Variants in FBN3 observed in about 807,000 individuals in gnomAD.
The protein encoded by FBN3 is fibrillin-3.
Under a neutral mutation model 330.1 loss-of-function variants are expected in FBN3, and 234 were observed. That is an observed-to-expected ratio of 0.71 (90% CI 0.64 to 0.79). FBN3 has a LOEUF of 0.79. FBN3 is among the 30% of genes least tolerant of loss of function. The pLI is 0.00. For missense variants in FBN3, 3,606 were observed against 3,886.9 expected, an observed-to-expected ratio of 0.93 and a Z score of 1.92; for synonymous variants, 1,458 against 1,517.3, an observed-to-expected ratio of 0.96 and a Z score of 0.91.
At position 8,095,366 on chromosome 19, in the gene FBN3, CA is replaced by C; in HGVS notation, c.5785+8del. 6.2e-7 allele frequency: 1 copy of C among 1,611,566 alleles called. No homozygotes were observed. The highest frequency in any genetic ancestry group is 1.7e-4 in the Middle Eastern group (1 of 6,050). On this transcript the variant is annotated splice_region_variant and intron_variant, in intron 46 of 63. Coordinates refer to ENST00000600128, the MANE Select transcript of FBN3 (RefSeq NM_032447.5). Reference sequence around the variant, plus strand: ...CTGAGATGCCTCCGAGCACCATAGGCAGACTCACCCACACAGTTCTTCCCAT... The same window carrying C: ...CTGAGATGCCTCCGAGCACCATAGGCGACTCACCCACACAGTTCTTCCCAT...
At chr19:8,132,963 C>G (rs2083184399) in intron 14 of FBN3, 21 bp downstream of exon 14, 17 of 1,537,452 alleles carry the variant, frequency 1.1e-5, no homozygotes, top group Non-Finnish European at 1.5e-5. Context: ...CCTCCGCTGG[C>G]CAGTCTGGCT....
At chr19:8,145,452 G>A (rs1475779373) in intron 5 of FBN3, among the ~76,000 whole-genome samples, 2 of 151,106 alleles carry the variant, frequency 1.3e-5, no homozygotes, top group African/African-American at 4.9e-5. Flanking sequence ...AGGCTGAGGC[G>A]GGCGGATCAC....
intron 28 of FBN3, 45 bp downstream of exon 28, chr19:8,117,124 C>T: frequency 1.2e-6 from 2 of 1,610,170 alleles, no homozygotes; most frequent in Non-Finnish European, 1.7e-6. Context: ...ACACCTCCTC[C>T]TCACCCTCCA....
chr19:8,117,633 C>A, intron 26 of FBN3, 44 bp from the exon 27 acceptor site: 1 of 1,492,266 alleles, frequency 6.7e-7, no homozygotes, highest in East Asian at 2.5e-5. Flanking sequence ...GCCCCATCTG[C>A]CGTCTGTGTG....
intron 3 of FBN3, among the ~76,000 whole-genome samples, 191 bp from the exon 4 acceptor site, chr19:8,146,416 G>T (rs1329398539): frequency 1.3e-5 from 2 of 152,242 alleles, no homozygotes; most frequent in African/African-American, 4.8e-5. Flanking sequence ...GCTGGGCAGG[G>T]TGTGTGACCC....
At chr19:8,135,935 T>TGGGGGGGGGGGGGGGGGGGCC in intron 13 of FBN3, 26 bp downstream of exon 13, 2 of 1,344,154 alleles carry the variant, frequency 1.5e-6, no homozygotes, top group Non-Finnish European at 2.0e-6. Context: ...CGGAAGCCCC[T>TGGGGGGGGGGGGGGGGGGGCC]GCCCACCCGC....
chr19:8,141,666 A>C (rs1452704348), intron 8 of FBN3, 51 bp downstream of exon 8: 23 of 1,566,556 alleles, frequency 1.5e-5, no homozygotes, highest in Non-Finnish European at 1.9e-5. Context: ...TGAGCCCCCC[A>C]GGTCATGAGT....
Position 8,131,358 on chromosome 19 carries a change from G to C in FBN3, c.1991-70C>G. On this transcript the variant is annotated intron_variant, in intron 15 of 63. Transcript: ENST00000600128. This position sits in a 1 kb window ranked among gnomAD's most constrained non-coding sequence, Gnocchi z 4.5. ...ATGGCTCGGATTCAGCCACAGGCAA[G>C]GATGAGGCCCTCTGGTCTTGGGCAA... 6.4e-7 allele frequency: 1 copy of C among 1,558,020 alleles called. No individual in the cohort carries two copies. The highest frequency in any genetic ancestry group is 8.8e-7 in the Non-Finnish European group (1 of 1,136,676).
In FBN3 at chr19:8,075,972, G is replaced by A. The variant is rs533546876; in HGVS notation, c.7454-561C>T. Among the ~76,000 whole-genome samples the A allele has an allele frequency of 3.9e-5, 6 of 152,302 alleles. No individual in the cohort carries two copies. The South Asian group carries it at 1.2e-3, about 32-fold the overall frequency. On this transcript the variant is annotated intron_variant, in intron 59 of 63. Transcript: ENST00000600128. ...CTAACCCCCAGTGGGCTGGTATTTGGATATTAGGTCTTTGGGAGGTGATCA... is the reference window on the plus strand; with the variant it reads ...CTAACCCCCAGTGGGCTGGTATTTGAATATTAGGTCTTTGGGAGGTGATCA...
chr19:8,146,244 T>TGGCA lies in FBN3; in HGVS notation c.251-23_251-20dup. 6.4e-7 allele frequency: 1 copy of TGGCA among 1,571,638 alleles called. No individual in the cohort carries two copies. Among genetic ancestry groups the TGGCA allele is most frequent in the Non-Finnish European group, 8.6e-7 (1 of 1,158,606 alleles). On this transcript the variant is annotated intron_variant, in intron 3 of 63. Coordinates refer to ENST00000600128, the MANE Select transcript of FBN3 (RefSeq NM_032447.5). ...CAGATGGCTGGATGAGTGCAGCGGG[T>TGGCA]GGCAGTCAAGACCAGGACCGAGCCT...
intron 29 of FBN3, 116 bp from the exon 30 acceptor site, chr19:8,115,756 C>T: frequency 8.2e-7 from 1 of 1,221,330 alleles, no homozygotes; most frequent in South Asian, 1.4e-5. Flanking sequence ...CGCACAGGTC[C>T]TCTCTGCTAG....
intron 1 of FBN3, 121 bp from the exon 2 acceptor site, chr19:8,147,618 C>G (rs1459552548): frequency 2.5e-6 from 2 of 787,212 alleles, no homozygotes; most frequent in Admixed American, 7.2e-5. Context: ...TCTGGGAGCC[C>G]AAGGAGGCAT....
At chr19:8,133,753 C>G (rs994107370) in intron 13 of FBN3, among the ~76,000 whole-genome samples, 35 of 152,072 alleles carry the variant, frequency 2.3e-4, no homozygotes, top group African/African-American at 8.2e-4. Flanking sequence ...CGCCCAACCT[C>G]TTGTTCACTT....
At chr19:8,136,129 C>T (rs2083274218) in intron 12 of FBN3, 43 bp from the exon 13 acceptor site, 1 of 1,612,336 alleles carries the variant, frequency 6.2e-7, no homozygotes, top group African/African-American at 1.3e-5. Flanking sequence ...GCTCCCCACC[C>T]TCCAAGCCTG....
intron 40 of FBN3, 21 bp downstream of exon 40, chr19:8,102,703 A>T (rs769906011): frequency 1.2e-6 from 2 of 1,603,526 alleles, no homozygotes; most frequent in Non-Finnish European, 8.5e-7. Flanking sequence ...GCTGGGAAGA[A>T]GGTTGGGGAG....
chr19:8,072,720 G>GCGCA (rs138829439), intron 62 of FBN3, among the ~76,000 whole-genome samples: 2 of 149,478 alleles, frequency 1.3e-5, no homozygotes, highest in African/African-American at 4.9e-5. Context: ...ATGCGCGCGT[G>GCGCA]CACACACACA....
Position 8,125,930 on chromosome 19 carries a change from T to G in FBN3, c.2693A>C (p.Glu898Ala). 1 of 1,613,676 alleles carries G rather than the reference T, an allele frequency of 6.2e-7. No homozygotes were observed. The highest frequency in any genetic ancestry group is 8.5e-7 in the Non-Finnish European group (1 of 1,179,994). Residue 898 changes from glutamate (E) to alanine (A), a missense_variant, in exon 22 of 64, where the codon GAG (glutamate) becomes GCG (alanine). Glu to Ala is a moderately radical substitution (Grantham distance 107). Coordinates refer to ENST00000600128, the MANE Select transcript of FBN3 (RefSeq NM_032447.5). Reference protein sequence around the residue: ...TAGSFRCECPEGLMLDASGRL... With the variant: ...TAGSFRCECPAGLMLDASGRL... ...GCCTGAGGCGTCCAGCATCAGGCCC[T>G]CTGGACACTCACAGCGGAAAGACCC...
chr19:8,071,080 A>G (rs1197125971), intron 63 of FBN3, among the ~76,000 whole-genome samples: 1 of 151,650 alleles, frequency 6.6e-6, no homozygotes, highest in African/African-American at 2.4e-5. Context: ...ATAAACATTG[A>G]GAGGCTGTGA....
At chr19:8,146,392 C>G (rs984239561) in intron 3 of FBN3, among the ~76,000 whole-genome samples, 167 bp from the exon 4 acceptor site, 2 of 152,222 alleles carry the variant, frequency 1.3e-5, no homozygotes, top group Admixed American at 1.3e-4. Context: ...GATGTCCCCC[C>G]ACTCTCGGGC....
Sources: gnomAD v4.1 joint callset for allele counts (sites outside exome capture counted in the v4.1 genomes callset) on GRCh38, gnomAD v4.1.1 for gene constraint, Gnocchi (gnomAD v3.1) non-coding constraint, MANE v1.5 for transcripts, NCBI Gene and HGNC (gene_info 2026-07-23, HGNC 2026-07-21) for gene names.